Variants in XIRP2 observed in about 807,000 individuals in gnomAD.
XIRP2 encodes xin actin binding repeat containing 2, also known as xin actin-binding repeat-containing protein 2.
XIRP2 carries 236 observed loss-of-function variants against 277.0 expected under a neutral mutation model. The observed-to-expected ratio is 0.85, with a 90% CI of 0.77 to 0.95. The LOEUF (loss-of-function observed/expected upper bound fraction) is 0.95, where lower values mean the gene tolerates loss of function less well. Among genes scored for constraint, XIRP2 ranks in the 40% least tolerant of loss-of-function variants. The pLI is 0.00. For missense variants in XIRP2, 4,640 were observed against 4,157.5 expected (o/e 1.12, Z -3.19); for synonymous variants, 1,490 against 1,416.5 (o/e 1.05, Z -1.17).
rs764579718 is a variant in XIRP2 at position 167,246,784 on chromosome 2, C to T, written c.5392C>T (p.Leu1798=). 1.9e-6 allele frequency: 3 copies of T among 1,613,812 alleles called. No individual in the cohort carries two copies. The highest frequency in any genetic ancestry group is 4.5e-5 in the East Asian group (2 of 44,840). The part of the protein sequence containing the change: ...TKLLLKKRQS[L]VERTVSETDI... ...ACTGTTACTGAAGAAAAGGCAGTCTCTGGTTGAACGTACTGTTAGTGAAAC... is the reference window on the plus strand; with the variant it reads ...ACTGTTACTGAAGAAAAGGCAGTCTTTGGTTGAACGTACTGTTAGTGAAAC... Residue 1798 remains leucine, a synonymous_variant, in exon 9 of 11, where the codon CTG becomes TTG. Coordinates refer to ENST00000409195, the MANE Select transcript of XIRP2 (RefSeq NM_152381.6).
At chr2:167,226,756 A>T (rs1045071440) in intron 5 of XIRP2, among the ~76,000 whole-genome samples, 2 of 152,026 alleles carry the variant, frequency 1.3e-5, no homozygotes, top group Non-Finnish European at 2.9e-5. Context: ...AGTTTCGAAG[A>T]GTTCTCTGTC....
chr2:167,187,396 C>T, intron 3 of XIRP2: 1 of 985,350 alleles, frequency 1.0e-6, no homozygotes, highest in Non-Finnish European at 1.2e-6. Context: ...TGGAGCGGGC[C>T]TCCACTGCAC....
At position 166,967,651 on chromosome 2, in the gene XIRP2, G is replaced by T. The variant is rs562152342; in HGVS notation, c.408+63761G>T. Among the ~76,000 whole-genome samples the T allele has an allele frequency of 3.3e-5, 5 of 151,972 alleles. No homozygotes were observed. In the East Asian group the frequency reaches 7.8e-4, roughly 24 times the overall value. ...TCCACATAACCTTGTATAAATATGT[G>T]ATTTTCTACCTATAACCACATTACA... On this transcript the variant is annotated intron_variant, in intron 2 of 10. Transcript: ENST00000409195.
chr2:167,010,248 A>G (rs983834873), intron 2 of XIRP2, among the ~76,000 whole-genome samples: 5 of 152,036 alleles, frequency 3.3e-5, no homozygotes, highest in Admixed American at 6.6e-5. Flanking sequence ...ATTTTTGTAT[A>G]AGGTGTAAGG....
At chr2:166,889,334 A>G (rs550703067) in intron 1 of XIRP2, among the ~76,000 whole-genome samples, 7 of 152,236 alleles carry the variant, frequency 4.6e-5, no homozygotes, top group African/African-American at 1.7e-4. Context: ...ACTCGCCCCC[A>G]GACACCTCCC....
At chr2:167,121,052 C>G (rs1462705798) in intron 2 of XIRP2, among the ~76,000 whole-genome samples, 1 of 152,078 alleles carries the variant, frequency 6.6e-6, no homozygotes, top group African/African-American at 2.4e-5. Context: ...GAAATGGAAG[C>G]CTACAGAGAT....
intron 2 of XIRP2, among the ~76,000 whole-genome samples, chr2:167,071,790 C>T (rs1689443846): frequency 6.6e-6 from 1 of 152,198 alleles, no homozygotes; most frequent in Admixed American, 6.5e-5. Flanking sequence ...CTTGAGAATG[C>T]AGCACATGGC....
chr2:166,920,996 A>G (rs556690999), intron 2 of XIRP2, among the ~76,000 whole-genome samples: 1 of 152,258 alleles, frequency 6.6e-6, no homozygotes, highest in African/African-American at 2.4e-5. Flanking sequence ...TAAACAAGTA[A>G]CTTTATGCAA....
At chr2:167,074,790 C>T (rs1339437829) in intron 2 of XIRP2, among the ~76,000 whole-genome samples, 1 of 152,052 alleles carries the variant, frequency 6.6e-6, no homozygotes, top group Non-Finnish European at 1.5e-5. Context: ...CAGGCACCAG[C>T]CACCACACTC....
At chr2:167,068,993 C>A (rs921554930) in intron 2 of XIRP2, among the ~76,000 whole-genome samples, 1 of 152,134 alleles carries the variant, frequency 6.6e-6, no homozygotes, top group African/African-American at 2.4e-5. Flanking sequence ...ATTTGCCCTT[C>A]CTTCTAGTTG....
At chr2:167,059,090 C>CT (rs1483420166) in intron 2 of XIRP2, among the ~76,000 whole-genome samples, 2 of 142,106 alleles carry the variant, frequency 1.4e-5, no homozygotes, top group East Asian at 2.1e-4. Context: ...GAGGATTTAA[C>CT]TTTTTTTTCT....
intron 4 of XIRP2, among the ~76,000 whole-genome samples, chr2:167,213,306 C>A (rs999737695): frequency 1.1e-4 from 17 of 152,156 alleles, no homozygotes; most frequent in African/African-American, 4.1e-4. Context: ...TTTCTATGCC[C>A]AGTTTATAAG....
At chr2:167,159,077 G>A (rs564622356) in intron 3 of XIRP2, among the ~76,000 whole-genome samples, 11 of 152,222 alleles carry the variant, frequency 7.2e-5, no homozygotes, top group Non-Finnish European at 1.5e-4. Flanking sequence ...ATGGCCCACC[G>A]GATGGTGGAA....
At chr2:167,048,551 T>A (rs1329134038) in intron 2 of XIRP2, among the ~76,000 whole-genome samples, 1 of 151,916 alleles carries the variant, frequency 6.6e-6, no homozygotes, top group Non-Finnish European at 1.5e-5. Context: ...ATGTTGGACA[T>A]TCTATTAGAG....
In XIRP2 at chr2:167,125,902, T is replaced by C. The variant is rs545114844; in HGVS notation, c.409-10007T>C. On this transcript the variant is annotated intron_variant, in intron 2 of 10. Transcript: ENST00000409195. ...CTAACGTGGGCCAGGGTTATAGTTA[T>C]ATGAAGTTACAGGACTGAACATCCA... Among the ~76,000 whole-genome samples, 12 of 152,314 alleles carry C rather than the reference T, an allele frequency of 7.9e-5. No individual in the cohort carries two copies. In the South Asian group the frequency reaches 2.5e-3, roughly 32 times the overall value.
chr2:166,934,465 A>G (rs1004579621), intron 2 of XIRP2, among the ~76,000 whole-genome samples: 1 of 152,210 alleles, frequency 6.6e-6, no homozygotes, highest in Non-Finnish European at 1.5e-5. Context: ...CTCATAGCTG[A>G]CACCCCAAGT....
intron 5 of XIRP2, among the ~76,000 whole-genome samples, chr2:167,235,689 G>A (rs1405793049): frequency 1.3e-5 from 2 of 151,906 alleles, no homozygotes; most frequent in Admixed American, 1.3e-4. Context: ...GTCAGGAAAG[G>A]TTTCAAAAAG....
chr2:167,189,253 CTT>C (rs926129492), intron 3 of XIRP2, among the ~76,000 whole-genome samples: 6 of 152,150 alleles, frequency 3.9e-5, no homozygotes, highest in African/African-American at 1.4e-4. Flanking sequence ...CTTTCTCTCT[CTT>C]GTGCTCTCTC....
chr2:166,934,387 T>A (rs1411313311), intron 2 of XIRP2, among the ~76,000 whole-genome samples: 1 of 151,928 alleles, frequency 6.6e-6, no homozygotes, highest in Non-Finnish European at 1.5e-5. Context: ...AGAAAGGGAA[T>A]CCCACCAAAA....
Sources: gnomAD v4.1 joint callset for allele counts (sites outside exome capture counted in the v4.1 genomes callset) on GRCh38, gnomAD v4.1.1 for gene constraint, MANE v1.5 for transcripts, NCBI Gene and HGNC (gene_info 2026-07-23, HGNC 2026-07-21) for gene names.